Variants in ZNF616 observed in about 807,000 individuals in gnomAD.
ZNF616 encodes zinc finger protein 616.
Under a neutral mutation model 7.6 loss-of-function variants are expected in ZNF616, and 5 were observed. The observed-to-expected ratio is 0.66, with a 90% CI of 0.34 to 1.38. ZNF616 has a LOEUF of 1.38. Among genes scored for constraint, ZNF616 ranks in the 40% most tolerant of loss-of-function variants. The pLI, the probability that ZNF616 is intolerant of heterozygous loss-of-function variation, is 0.04. For missense variants in ZNF616, 913 were observed against 948.3 expected (o/e 0.96, Z 0.49); for synonymous variants, 319 against 317.2 (o/e 1.01, Z -0.06).
At chr19:52,137,139 C>G (rs1354877282) in intron 1 of ZNF616, among the ~76,000 whole-genome samples, 1 of 150,856 alleles carries the variant, frequency 6.6e-6, no homozygotes, top group African/African-American at 2.4e-5. Flanking sequence ...GAAAATCCTG[C>G]CGGGCACAGT....
At chr19:52,138,591 G>A (rs2122180418) in intron 1 of ZNF616, 1 of 151,454 alleles carries the variant, frequency 6.6e-6, no homozygotes, top group East Asian at 1.9e-4. Flanking sequence ...TGTCTATTCT[G>A]CCCAATGCTT....
At chr19:52,120,768 A>C (rs922534179) in intron 3 of ZNF616, among the ~76,000 whole-genome samples, 1 of 152,254 alleles carries the variant, frequency 6.6e-6, no homozygotes, top group African/African-American at 2.4e-5. Flanking sequence ...AAGATATACC[A>C]ATTATAGTTA....
In ZNF616 at chr19:52,130,384, G is replaced by C; in HGVS notation, c.12+117C>G. Reference sequence around the variant, plus strand: ...GGATGAGCATGAGCAAATGTGTCAGGAAGGACACTTCAGACTCAGAGAAGA... The same window carrying C: ...GGATGAGCATGAGCAAATGTGTCAGCAAGGACACTTCAGACTCAGAGAAGA... On this transcript the variant is annotated intron_variant, in intron 2 of 3. Coordinates refer to ENST00000600228, the MANE Select transcript of ZNF616 (RefSeq NM_178523.5). 3 of 951,414 alleles carry C rather than the reference G, an allele frequency of 3.2e-6. No individual in the cohort carries two copies. The East Asian group carries it at 7.2e-5, about 23-fold the overall frequency. 58.9% of individuals were successfully genotyped at this position (951,414 alleles called of 1,614,324 possible). A position where few individuals can be genotyped will look rare whatever the true frequency, so the allele number is the denominator to read the frequency against.
intron 2 of ZNF616, among the ~76,000 whole-genome samples, chr19:52,129,299 A>G (rs564341117): frequency 5.1e-4 from 78 of 152,208 alleles, no homozygotes; most frequent in Non-Finnish European, 8.2e-4. Flanking sequence ...GCAAAAAACA[A>G]AACAAAATTA....
At chr19:52,131,315 C>T (rs941056251) in intron 1 of ZNF616, among the ~76,000 whole-genome samples, 7 of 145,986 alleles carry the variant, frequency 4.8e-5, no homozygotes, top group Non-Finnish European at 1.0e-4. Context: ...TAAAACATTA[C>T]GGAGGCTGGG....
rs368693673 is a variant in ZNF616 at position 52,115,584 on chromosome 19, C to G, written c.1580G>C (p.Gly527Ala). 32 of 1,613,910 alleles carry G rather than the reference C, an allele frequency of 2.0e-5. No homozygotes were observed. The African/African-American group carries it at 3.7e-4, about 19-fold the overall frequency. ...AGCTGAACGGTCACTGAAGACCTTG[C>G]CACATTCTTTGCATTTGTAAGGTTT... ...GEKPYKCKEC[G>A]KVFSDRSAFA... Residue 527 changes from glycine (G) to alanine (A), a missense_variant, in exon 4 of 4, where the codon GGC (glycine) becomes GCC (alanine). Coordinates refer to ENST00000600228, the MANE Select transcript of ZNF616 (RefSeq NM_178523.5).
At chr19:52,126,785 A>C (rs2088912350) in intron 2 of ZNF616, among the ~76,000 whole-genome samples, 1 of 152,008 alleles carries the variant, frequency 6.6e-6, no homozygotes, top group Non-Finnish European at 1.5e-5. Flanking sequence ...TAAATAATAA[A>C]TAATTAAATA....
chr19:52,137,162 T>C (rs2089018184), intron 1 of ZNF616, among the ~76,000 whole-genome samples: 3 of 151,626 alleles, frequency 2.0e-5, no homozygotes, highest in African/African-American at 7.3e-5. Flanking sequence ...CTCACGCCTG[T>C]AATCCCAGCA....
intron 2 of ZNF616, among the ~76,000 whole-genome samples, chr19:52,125,049 G>A (rs1267415808): frequency 1.3e-5 from 2 of 152,178 alleles, no homozygotes; most frequent in African/African-American, 4.8e-5. Context: ...ATAATACTTG[G>A]AGATTGGGCA....
At position 52,114,061 on chromosome 19, in the gene ZNF616, C is replaced by T. The variant is rs548306474; in HGVS notation, c.*757G>A. The stretch of plus-strand genomic sequence containing the variant: ...GTGAGTTCCAATGCCTGGGGAAAGC[C>T]TCTGACACATACATTTATATGATTT... On this transcript the variant is annotated 3_prime_UTR_variant, in exon 4 of 4. Coordinates refer to ENST00000600228, the MANE Select transcript of ZNF616 (RefSeq NM_178523.5). 1 of 152,274 alleles carries T rather than the reference C, an allele frequency of 6.6e-6. No homozygotes were observed. Among genetic ancestry groups the T allele is most frequent in the African/African-American group, 2.4e-5 (1 of 41,546 alleles). The allele number at this position is 152,274 out of a possible 1,614,324, so 9.4% of individuals were successfully genotyped here. A position where few individuals can be genotyped will look rare whatever the true frequency, so the allele number is the denominator to read the frequency against.
intron 1 of ZNF616, among the ~76,000 whole-genome samples, chr19:52,133,519 G>A (rs1429436906): frequency 6.6e-6 from 1 of 152,034 alleles, no homozygotes; most frequent in Non-Finnish European, 1.5e-5. Flanking sequence ...CATCACCTGG[G>A]TTTTTGTGTG....
rs149072042 is a variant in ZNF616, at chr19:52,115,645, G to A, written c.1519C>T (p.Arg507Cys). ...TGAATTCTCCGATGCACTGCAAGAC[G>A]TGAATGTTGACTGAAGACCTTGCCA... ...ECGKVFSQHS[R>C]LAVHRRIHTG... is the part of the protein sequence containing the mutation. The change falls in exon 4 of 4, where the codon CGT (arginine) becomes TGT (cysteine). Residue 507 changes from arginine (R) to cysteine (C), a missense_variant. Physicochemically the swap from Arg to Cys is radical, Grantham distance 180. Coordinates refer to ENST00000600228, the MANE Select transcript of ZNF616 (RefSeq NM_178523.5). 154 of 1,612,262 alleles carry A rather than the reference G, an allele frequency of 9.6e-5. No individual in the cohort carries two copies. The highest frequency in any genetic ancestry group is 1.1e-4 in the Non-Finnish European group (133 of 1,179,506).
At chr19:52,133,733 G>A (rs2122171986) in intron 1 of ZNF616, among the ~76,000 whole-genome samples, 1 of 152,166 alleles carries the variant, frequency 6.6e-6, no homozygotes, top group East Asian at 1.9e-4. Flanking sequence ...GGCTGGTTGC[G>A]AACTCCAGAC....
At chr19:52,137,549 T>G (rs2089023023) in intron 1 of ZNF616, among the ~76,000 whole-genome samples, 1 of 152,210 alleles carries the variant, frequency 6.6e-6, no homozygotes, top group African/African-American at 2.4e-5. Context: ...CTGTATGTTC[T>G]CACAAGTAGA....
At chr19:52,136,801 G>A (rs1232606112) in intron 1 of ZNF616, among the ~76,000 whole-genome samples, 2 of 152,060 alleles carry the variant, frequency 1.3e-5, no homozygotes, top group Non-Finnish European at 2.9e-5. Flanking sequence ...GGTAGTTCAT[G>A]CCTATAATCC....
rs765414373 is a variant in ZNF616, at chr19:52,116,666, C to T, written c.498G>A (p.Thr166=). 31 of 1,613,970 alleles carry T rather than the reference C, an allele frequency of 1.9e-5. No homozygotes were observed. Among genetic ancestry groups the T allele is most frequent in the Admixed American group, 3.3e-5 (2 of 59,996 alleles). ...AACAACCATTATTACCTGTCTTCTC[C>T]GTTTCATTACATTCATAAAGTCTCC... ...TEGRLYECNE[T]EKTGNNGCLV... Residue 166 remains threonine (T), a synonymous_variant, in exon 4 of 4, where the codon ACG becomes ACA. Transcript: ENST00000600228.
chr19:52,121,871 A>G (rs1403904239), intron 3 of ZNF616, among the ~76,000 whole-genome samples: 1 of 152,210 alleles, frequency 6.6e-6, no homozygotes, highest in African/African-American at 2.4e-5. Flanking sequence ...AAAACTTAGG[A>G]AAAACACTTC....
At chr19:52,129,689 T>A (rs2088940706) in intron 2 of ZNF616, among the ~76,000 whole-genome samples, 1 of 152,194 alleles carries the variant, frequency 6.6e-6, no homozygotes, top group South Asian at 2.1e-4. Context: ...CAATTCCCTG[T>A]CATTAAGGCA....
In ZNF616 at chr19:52,123,946, T is replaced by C; in HGVS notation, c.116A>G (p.Asn39Ser). Residue 39 changes from asparagine to serine, a missense_variant, in exon 3 of 4, where the codon AAC becomes AGC. Physicochemically the swap from Asn to Ser is conservative, Grantham distance 46. Transcript: ENST00000600228. Reference sequence around the variant, plus strand: ...ACCTAGGAAGACCAGGTTCCTATAGTTCTCCAACATCACATCCTTGTACAA... The same window carrying C: ...ACCTAGGAAGACCAGGTTCCTATAGCTCTCCAACATCACATCCTTGTACAA... ...KALYKDVMLE[N>S]YRNLVFLGIS... is the part of the protein sequence containing the mutation. 1 of 1,614,022 alleles carries C rather than the reference T, an allele frequency of 6.2e-7. No homozygotes were observed. The highest frequency in any genetic ancestry group is 8.5e-7 in the Non-Finnish European group (1 of 1,179,926).
Sources: gnomAD v4.1 joint callset for allele counts (sites outside exome capture counted in the v4.1 genomes callset) on GRCh38, gnomAD v4.1.1 for gene constraint, MANE v1.5 for transcripts, NCBI Gene and HGNC (gene_info 2026-07-23, HGNC 2026-07-21) for gene names.